The following MKLN1 variants were observed in gnomAD, a reference collection of about 807,000 sequenced individuals.
The protein encoded by MKLN1 is muskelin 1.
MKLN1 carries 18 observed loss-of-function variants against 99.0 expected under a neutral mutation model. The ratio of observed to expected loss-of-function variants is 0.18; its 90% CI spans 0.13 to 0.27. The LOEUF (loss-of-function observed/expected upper bound fraction) is 0.27. MKLN1 is among the 10% of genes least tolerant of loss of function. MKLN1 has a pLI of 1.00. For missense variants in MKLN1, 621 were observed against 875.9 expected, an observed-to-expected ratio of 0.71 and a Z score of 3.67; for synonymous variants, 288 against 293.2, an observed-to-expected ratio of 0.98 and a Z score of 0.18.
At chr7:131,212,403 CTCT>C (rs1796919284) in intron 3 of MKLN1, among the ~76,000 whole-genome samples, 1 of 152,206 alleles carries the variant, frequency 6.6e-6, no homozygotes, top group African/African-American at 2.4e-5. Flanking sequence ...CATGAATAGA[CTCT>C]TCTTTAACTA....
At chr7:131,154,596 TG>T (rs1306192410) in intron 2 of MKLN1, among the ~76,000 whole-genome samples, 152 of 152,274 alleles carry the variant, frequency 1.0e-3, no homozygotes, top group African/African-American at 3.5e-3. Context: ...CTAGACACAA[TG>T]ACTAAGCCAG....
intron 3 of MKLN1, among the ~76,000 whole-genome samples, chr7:131,278,096 A>T (rs1316899708): frequency 2.0e-5 from 3 of 151,964 alleles, no homozygotes; most frequent in Admixed American, 6.6e-5. Flanking sequence ...AAACTGGCAT[A>T]CAGTGGCGTG....
At position 131,487,037 on chromosome 7, in the gene MKLN1, C is replaced by T. The variant is rs1447356453; in HGVS notation, c.2087-570C>T. ...TGCAGATACCATTCTGCATATTGTACATGTATCTCCCTCAGTCGTCTCTGT... is the reference window on the plus strand; with the variant it reads ...TGCAGATACCATTCTGCATATTGTATATGTATCTCCCTCAGTCGTCTCTGT... On this transcript the variant is annotated intron_variant, in intron 17 of 17. Transcript: ENST00000352689. The surrounding 1 kb of genome is among the most constrained non-coding windows in gnomAD (Gnocchi z 4.7). 6.6e-6 allele frequency among the ~76,000 whole-genome samples: 1 copy of T among 152,136 alleles called. No individual in the cohort carries two copies. Among genetic ancestry groups the T allele is most frequent in the Admixed American group, 6.6e-5 (1 of 15,266 alleles).
chr7:131,114,076 A>C (rs192889256), intron 1 of MKLN1, among the ~76,000 whole-genome samples: 207 of 152,342 alleles, frequency 1.4e-3, no homozygotes, highest in Non-Finnish European at 2.3e-3. Flanking sequence ...TGCATGTCTA[A>C]ACTAAGGTAG....
At chr7:131,281,154 G>A (rs1162990438) in intron 3 of MKLN1, among the ~76,000 whole-genome samples, 1 of 151,190 alleles carries the variant, frequency 6.6e-6, no homozygotes, top group Non-Finnish European at 1.5e-5. Flanking sequence ...TTTTCTGATA[G>A]GAGTTTTATA....
intron 2 of MKLN1, among the ~76,000 whole-genome samples, chr7:131,201,661 T>A (rs1253745527): frequency 6.6e-6 from 1 of 152,210 alleles, no homozygotes; most frequent in Non-Finnish European, 1.5e-5. Context: ...TTACTACGTA[T>A]AAAGCAAATT....
chr7:131,301,940 C>A (rs985306207), intron 3 of MKLN1, among the ~76,000 whole-genome samples: 1 of 152,086 alleles, frequency 6.6e-6, no homozygotes, highest in Non-Finnish European at 1.5e-5. Flanking sequence ...AGTGGCCTTC[C>A]GGAACCAAAA....
intron 4 of MKLN1, among the ~76,000 whole-genome samples, chr7:131,392,148 A>G (rs372320526): frequency 1.3e-5 from 2 of 152,246 alleles, no homozygotes; most frequent in African/African-American, 4.8e-5. Context: ...ATTCTGATTT[A>G]TAGCCACAAT....
chr7:131,310,046 AAAG>A (rs1221643193), intron 3 of MKLN1: 1 of 152,222 alleles, frequency 6.6e-6, no homozygotes, highest in Non-Finnish European at 1.5e-5. Context: ...TTTTAAAAGG[AAAG>A]AAGAGGCAGT....
At chr7:131,486,779 A>G (rs544761861) in intron 17 of MKLN1, among the ~76,000 whole-genome samples, 3 of 152,294 alleles carry the variant, frequency 2.0e-5, no homozygotes, top group East Asian at 1.9e-4. Context: ...AGATAAACCA[A>G]TTGATGAAGA....
At chr7:131,292,460 T>C (rs2116602270) in intron 3 of MKLN1, among the ~76,000 whole-genome samples, 1 of 152,324 alleles carries the variant, frequency 6.6e-6, no homozygotes, top group East Asian at 1.9e-4. Context: ...CACCCCAGAA[T>C]GTGCCCTTAT....
chr7:131,270,890 C>G (rs530952039), intron 3 of MKLN1, among the ~76,000 whole-genome samples: 1 of 151,072 alleles, frequency 6.6e-6, no homozygotes, highest in African/African-American at 2.4e-5. Flanking sequence ...TGGGGTCTTT[C>G]CTCCTCTGTA....
intron 3 of MKLN1, among the ~76,000 whole-genome samples, chr7:131,224,153 C>A (rs1252135763): frequency 6.6e-6 from 1 of 152,284 alleles, no homozygotes; most frequent in Non-Finnish European, 1.5e-5. Context: ...GTAATCCCAG[C>A]ACTTTGGGAA....
At chr7:131,301,744 G>T (rs1798379691) in intron 3 of MKLN1, among the ~76,000 whole-genome samples, 1 of 152,024 alleles carries the variant, frequency 6.6e-6, no homozygotes, top group Non-Finnish European at 1.5e-5. Flanking sequence ...AGTTATCTAG[G>T]ATTTGCTATC....
intron 6 of MKLN1, among the ~76,000 whole-genome samples, chr7:131,405,119 C>A (rs1446717526): frequency 6.6e-6 from 1 of 152,080 alleles, no homozygotes; most frequent in African/African-American, 2.4e-5. Flanking sequence ...TGTCTATAAT[C>A]AAAAATTTCA....
At chr7:131,423,974 A>G (rs1795277724) in intron 8 of MKLN1, among the ~76,000 whole-genome samples, 1 of 152,254 alleles carries the variant, frequency 6.6e-6, no homozygotes, top group African/African-American at 2.4e-5. Context: ...AAAGGGAGGC[A>G]GTGAATTCAG....
At chr7:131,261,660 T>C (rs1797732884) in intron 3 of MKLN1, among the ~76,000 whole-genome samples, 1 of 152,186 alleles carries the variant, frequency 6.6e-6, no homozygotes, top group Admixed American at 6.5e-5. Flanking sequence ...CTCAAAGGAA[T>C]ATAAATCATT....
chr7:131,329,941 T>C (rs183274497), intron 1 of MKLN1, among the ~76,000 whole-genome samples: 167 of 152,368 alleles, frequency 1.1e-3, no homozygotes, highest in African/African-American at 3.7e-3. Context: ...TTAATCCTTA[T>C]GACATTCTAT....
chr7:131,440,808 A>G (rs527687116), intron 10 of MKLN1, among the ~76,000 whole-genome samples: 4 of 152,312 alleles, frequency 2.6e-5, no homozygotes, highest in South Asian at 4.1e-4. Context: ...ATTTTCCTGA[A>G]GAAAGATTTT....
Sources: gnomAD v4.1 joint callset for allele counts (sites outside exome capture counted in the v4.1 genomes callset) on GRCh38, gnomAD v4.1.1 for gene constraint, Gnocchi (gnomAD v3.1) non-coding constraint, MANE v1.5 for transcripts, NCBI Gene and HGNC (gene_info 2026-07-23, HGNC 2026-07-21) for gene names.